The following RBFOX1 variants were observed in gnomAD, a reference collection of about 807,000 sequenced individuals.
The protein encoded by RBFOX1 is RNA binding fox-1 homolog 1, also known as RNA binding protein fox-1 homolog 1.
Under a neutral mutation model 57.7 loss-of-function variants are expected in RBFOX1, and 8 were observed. That is an observed-to-expected ratio of 0.14 (90% confidence interval 0.08 to 0.25). The LOEUF is 0.25. RBFOX1 is among the 10% of genes least tolerant of loss of function. The pLI is 1.00. For synonymous variants in RBFOX1, 326 were observed against 222.4 expected (o/e 1.47, Z -4.15); for missense variants, 611 against 548.5 (o/e 1.11, Z -1.14).
chr16:6,872,793 T>G (rs569885519), intron 3 of RBFOX1, among the ~76,000 whole-genome samples: 52 of 152,192 alleles, frequency 3.4e-4, no homozygotes, highest in Non-Finnish European at 6.8e-4. Flanking sequence ...AGAGTTGAAT[T>G]GATGCCTTCG....
At chr16:6,861,807 T>C in intron 3 of RBFOX1, among the ~76,000 whole-genome samples, 1 of 145,982 alleles carries the variant, frequency 6.9e-6, no homozygotes, top group Non-Finnish European at 1.5e-5. Flanking sequence ...CCCTCTTTCC[T>C]AGCCAGCGTC....
At chr16:6,515,325 A>C (rs143293564) in intron 2 of RBFOX1, among the ~76,000 whole-genome samples, 2,165 of 152,356 alleles carry the variant, frequency 0.014, 17 homozygotes, top group Non-Finnish European at 0.024. Context: ...TTTGTCAGAC[A>C]CATTGCTTAT....
At chr16:6,693,950 T>C (rs2060644823) in intron 3 of RBFOX1, among the ~76,000 whole-genome samples, 1 of 152,250 alleles carries the variant, frequency 6.6e-6, no homozygotes, top group Non-Finnish European at 1.5e-5. Context: ...ACACTATTAT[T>C]TCTCCTATTT....
At chr16:5,967,996 C>T (rs1313514472) in intron 4 of RBFOX1, among the ~76,000 whole-genome samples, 1 of 152,180 alleles carries the variant, frequency 6.6e-6, no homozygotes, top group Non-Finnish European at 1.5e-5. Context: ...TATAAACCCT[C>T]AGTCTTAGTT....
At chr16:7,419,519 G>A (rs1037084946) in intron 4 of RBFOX1, among the ~76,000 whole-genome samples, 1 of 152,198 alleles carries the variant, frequency 6.6e-6, no homozygotes, top group African/African-American at 2.4e-5. Flanking sequence ...GTTTTCCTGC[G>A]CATTTGAATA....
chr16:6,687,611 C>G (rs1027371845), intron 3 of RBFOX1, among the ~76,000 whole-genome samples: 11 of 152,146 alleles, frequency 7.2e-5, no homozygotes, highest in African/African-American at 1.9e-4. Context: ...TCTAATAGTT[C>G]TATAAGAAGG....
chr16:6,639,074 C>G (rs912208006), intron 2 of RBFOX1, among the ~76,000 whole-genome samples: 1 of 152,232 alleles, frequency 6.6e-6, no homozygotes, highest in Non-Finnish European at 1.5e-5. Context: ...GCCATCGTTT[C>G]ACTCAGAGCA....
chr16:7,521,556 C>G (rs535086757), intron 5 of RBFOX1, among the ~76,000 whole-genome samples: 1 of 152,244 alleles, frequency 6.6e-6, no homozygotes, highest in African/African-American at 2.4e-5. Context: ...TGTTGGGTGT[C>G]CACAGTGCCC....
chr16:6,101,205 C>A (rs925371668), intron 1 of RBFOX1, among the ~76,000 whole-genome samples: 2 of 152,174 alleles, frequency 1.3e-5, no homozygotes, highest in Non-Finnish European at 2.9e-5. Flanking sequence ...CTGGAGTCTC[C>A]GGACCCACTC....
intron 3 of RBFOX1, among the ~76,000 whole-genome samples, chr16:5,742,153 T>G (rs1398919702): frequency 6.6e-6 from 1 of 152,184 alleles, no homozygotes; most frequent in Non-Finnish European, 1.5e-5. Flanking sequence ...CATCATTTGG[T>G]TCAAGATGGG....
At chr16:6,646,799 T>G (rs1035063961) in intron 2 of RBFOX1, among the ~76,000 whole-genome samples, 1 of 152,088 alleles carries the variant, frequency 6.6e-6, no homozygotes, top group East Asian at 1.9e-4. Context: ...GCAGACAAAT[T>G]CAAGGAGAGT....
chr16:7,048,244 A>AT (rs1219100576), intron 3 of RBFOX1, among the ~76,000 whole-genome samples: 1 of 149,590 alleles, frequency 6.7e-6, no homozygotes. Flanking sequence ...TTTCCTTTTG[A>AT]TTTTTTTGTT....
intron 3 of RBFOX1, among the ~76,000 whole-genome samples, chr16:7,015,892 G>A (rs1299363616): frequency 1.3e-5 from 2 of 151,870 alleles, no homozygotes; most frequent in African/African-American, 4.8e-5. Context: ...ATAGAGGTAA[G>A]CAACGTGTTT....
chr16:6,695,174 C>T (rs1032379847), intron 3 of RBFOX1, among the ~76,000 whole-genome samples: 1 of 151,994 alleles, frequency 6.6e-6, no homozygotes, highest in Non-Finnish European at 1.5e-5. Flanking sequence ...AATCCCAGCA[C>T]TTTGGGAGGC....
chr16:7,170,194 G>T (rs769641842), intron 4 of RBFOX1, among the ~76,000 whole-genome samples: 1 of 152,224 alleles, frequency 6.6e-6, no homozygotes, highest in Non-Finnish European at 1.5e-5. Context: ...ACTGTAGCAT[G>T]ATGACCAGAT....
At chr16:7,496,971 C>G (rs1025233812) in intron 4 of RBFOX1, among the ~76,000 whole-genome samples, 2 of 152,108 alleles carry the variant, frequency 1.3e-5, no homozygotes, top group Admixed American at 6.5e-5. Flanking sequence ...CTGTGCTTCT[C>G]TGTCTCCACT....
chr16:7,381,118 A>G (rs2097775716), intron 4 of RBFOX1, among the ~76,000 whole-genome samples: 1 of 152,190 alleles, frequency 6.6e-6, no homozygotes, highest in Non-Finnish European at 1.5e-5. Context: ...TTCTGGCTTC[A>G]CAGCAGAGTA....
intron 4 of RBFOX1, among the ~76,000 whole-genome samples, chr16:7,226,797 A>G (rs2093152084): frequency 6.6e-6 from 1 of 152,212 alleles, no homozygotes; most frequent in South Asian, 2.1e-4. Context: ...ATTCCTCTTT[A>G]TAAATAAGTC....
intron 4 of RBFOX1, among the ~76,000 whole-genome samples, chr16:7,122,460 C>T (rs1177123519): frequency 6.6e-6 from 1 of 151,724 alleles, no homozygotes; most frequent in Non-Finnish European, 1.5e-5. Context: ...AACAAAAAAC[C>T]GTGAAAAGGT....
Sources: allele counts gnomAD v4.1 joint callset (sites outside exome capture counted in the v4.1 genomes callset), GRCh38; gene constraint gnomAD v4.1.1; transcripts MANE v1.5; gene names NCBI Gene and HGNC (gene_info 2026-07-23, HGNC 2026-07-21).